PCDHGA10: variants seen among roughly 807,000 people sequenced by gnomAD.
PCDHGA10 encodes protocadherin gamma subfamily A, 10.
PCDHGA10 carries 42 observed loss-of-function variants against 59.5 expected under a neutral mutation model. The ratio of observed to expected loss-of-function variants is 0.71; its 90% CI spans 0.55 to 0.91. PCDHGA10 has a LOEUF of 0.91. Ranked by LOEUF, PCDHGA10 falls within the 40% of genes least tolerant of loss-of-function variation. PCDHGA10 has a pLI of 0.00. For missense variants in PCDHGA10, 1,111 were observed against 1,198.2 expected (o/e 0.93, Z 1.07); for synonymous variants, 511 against 517.2 (o/e 0.99, Z 0.16).
intron 1 of PCDHGA10, 124 bp from the exon 2 acceptor site, chr5:141,494,683 C>G: frequency 6.4e-7 from 1 of 1,569,074 alleles, no homozygotes; most frequent in Non-Finnish European, 8.7e-7. Context: ...CCCCTGCCCC[C>G]TCTTAGTCCG....
chr5:141,423,755 G>GGGA, intron 1 of PCDHGA10: 3 of 512,508 alleles, frequency 5.9e-6, no homozygotes, highest in Non-Finnish European at 7.8e-6. Flanking sequence ...CTGTTTGGGG[G>GGGA]GGGGGTGGGG....
Position 141,493,891 on chromosome 5 carries a change from G to A in PCDHGA10, c.2437-916G>A, listed in dbSNP as rs1595204910. On this transcript the variant is annotated intron_variant, in intron 1 of 3. Transcript: ENST00000398610. The surrounding 1 kb of genome is among the most constrained non-coding windows in gnomAD (Gnocchi z 4.3). ...CCAGTGAGGAGGTGGCTCTAGGAGT[G>A]CTCCATGAGAGTGTGTGATGGGATA... Among the ~76,000 whole-genome samples, 1 of 152,300 alleles carries A rather than the reference G, an allele frequency of 6.6e-6. No homozygotes were observed. The highest frequency in any genetic ancestry group is 1.5e-5 in the Non-Finnish European group (1 of 68,018).
intron 1 of PCDHGA10, chr5:141,422,694 T>C: frequency 6.2e-7 from 1 of 1,603,912 alleles, no homozygotes; most frequent in Non-Finnish European, 8.5e-7. Context: ...CCCTGGTCAC[T>C]TACTCTCTGA....
At position 141,415,039 on chromosome 5, in the gene PCDHGA10, G is replaced by T. The variant is rs761101620; in HGVS notation, c.1864G>T (p.Ala622Ser). The part of the protein sequence containing the change: ...LLKASEPGLF[A>S]VGEHTGEVRT... ...CAAGGCCAGCGAGCCGGGACTCTTC[G>T]CGGTGGGGGAGCACACGGGCGAGGT... The change falls in exon 1 of 4, where the codon GCG becomes TCG. Residue 622 changes from alanine to serine, a missense_variant. By Grantham distance (99) the Ala-to-Ser change is moderately conservative. Transcript: ENST00000398610. The T allele has an allele frequency of 3.1e-6, 5 of 1,613,342 alleles. No homozygotes were observed. The highest frequency in any genetic ancestry group is 3.4e-6 in the Non-Finnish European group (4 of 1,179,934).
intron 3 of PCDHGA10, among the ~76,000 whole-genome samples, chr5:141,509,583 A>G (rs1008344833): frequency 7.2e-5 from 11 of 152,320 alleles, no homozygotes; most frequent in African/African-American, 2.4e-4. Flanking sequence ...CGTACAAATC[A>G]GCTGGCAATT....
At position 141,419,294 on chromosome 5, in the gene PCDHGA10, C is replaced by T. The variant is rs770303087; in HGVS notation, c.2436+3683C>T. ...CATAGCGCAAGTCAGTGCCTCTGAC[C>T]CAGACTTCGGGCTCAACGGCCGTGT... On this transcript the variant is annotated intron_variant, in intron 1 of 3. Transcript: ENST00000398610. The T allele has an allele frequency of 1.9e-6, 3 of 1,614,036 alleles. No homozygotes were observed. Among genetic ancestry groups the T allele is most frequent in the East Asian group, 2.2e-5 (1 of 44,886 alleles).
chr5:141,453,067 C>A (rs1227122711), intron 1 of PCDHGA10, among the ~76,000 whole-genome samples: 1 of 152,024 alleles, frequency 6.6e-6, no homozygotes, highest in African/African-American at 2.4e-5. Context: ...AGAGTTTTGC[C>A]ACACTCTGGT....
At chr5:141,488,359 T>A (rs1262194591) in intron 1 of PCDHGA10, among the ~76,000 whole-genome samples, 1 of 152,198 alleles carries the variant, frequency 6.6e-6, no homozygotes, top group Non-Finnish European at 1.5e-5. Context: ...ACCCTGTGCA[T>A]CTTTAAGTTG....
Position 141,414,587 on chromosome 5 carries a change from G to C in PCDHGA10, c.1412G>C (p.Arg471Thr), listed in dbSNP as rs775783880. 3 of 1,613,828 alleles carry C rather than the reference G, an allele frequency of 1.9e-6. No individual in the cohort carries two copies. The highest frequency in any genetic ancestry group is 3.3e-5 in the Admixed American group (2 of 59,998). The change falls in exon 1 of 4, where the codon AGG becomes ACG. Residue 471 changes from arginine to threonine, a missense_variant. Coordinates refer to ENST00000398610, the MANE Select transcript of PCDHGA10 (RefSeq NM_018913.3). ...YFTYIPENNA[R>T]GASIFSVTAL... The stretch of plus-strand genomic sequence containing the variant: ...ACCTATATCCCAGAGAACAACGCCA[G>C]GGGTGCCTCCATCTTCTCAGTGACA...
intron 1 of PCDHGA10, among the ~76,000 whole-genome samples, chr5:141,435,605 C>T (rs776926758): frequency 1.1e-4 from 17 of 152,134 alleles, no homozygotes; most frequent in Non-Finnish European, 1.9e-4. Flanking sequence ...CTGCTTTTTA[C>T]ATTAAATTCC....
intron 2 of PCDHGA10, among the ~76,000 whole-genome samples, chr5:141,504,008 C>G (rs2099835164): frequency 6.6e-6 from 1 of 152,208 alleles, no homozygotes; most frequent in South Asian, 2.1e-4. Flanking sequence ...ACTTAACTGT[C>G]TCTGCTGGTC....
At chr5:141,427,550 C>T (rs1310933864) in intron 1 of PCDHGA10, 1 of 643,730 alleles carries the variant, frequency 1.6e-6, no homozygotes, top group East Asian at 3.2e-5. Context: ...CCATCACTGC[C>T]ACTGACAAGG....
At chr5:141,470,838 C>T (rs142581300) in intron 1 of PCDHGA10, among the ~76,000 whole-genome samples, 5 of 152,222 alleles carry the variant, frequency 3.3e-5, no homozygotes, top group African/African-American at 7.2e-5. Flanking sequence ...CAAACACACG[C>T]CACCATGCTC....
chr5:141,494,962 T>G (rs1644946600), intron 2 of PCDHGA10, 97 bp downstream of exon 2: 4 of 1,596,756 alleles, frequency 2.5e-6, no homozygotes, highest in Non-Finnish European at 3.4e-6. Context: ...TTGCTACAGA[T>G]GGCTTCTCCC....
At chr5:141,506,699 C>T (rs758682427) in intron 3 of PCDHGA10, among the ~76,000 whole-genome samples, 2 of 152,094 alleles carry the variant, frequency 1.3e-5, no homozygotes, top group Non-Finnish European at 2.9e-5. Flanking sequence ...GACCCAAACC[C>T]GTTTTTTACT....
Position 141,431,972 on chromosome 5 carries a change from G to T in PCDHGA10, c.2436+16361G>T, listed in dbSNP as rs750484866. On this transcript the variant is annotated intron_variant, in intron 1 of 3. Coordinates refer to ENST00000398610, the MANE Select transcript of PCDHGA10 (RefSeq NM_018913.3). The surrounding 1 kb of genome is among the most constrained non-coding windows in gnomAD (Gnocchi z 4.8). ...ATCTTACGGAAATTACTATAGTTTA[G>T]TCACAGACATAGTCTTGGATAGGGA... is the stretch of plus-strand genomic sequence containing the variant. The T allele has an allele frequency of 8.1e-6, 13 of 1,614,072 alleles. No homozygotes were observed. Among genetic ancestry groups the T allele is most frequent in the Non-Finnish European group, 1.1e-5 (13 of 1,180,028 alleles).
At position 141,476,689 on chromosome 5, in the gene PCDHGA10, C is replaced by A; in HGVS notation, c.2437-18118C>A. Reference sequence around the variant, plus strand: ...GCGTGCAGACGCGGGAGGACAGCACCAAGTACGCGGAGCTGGTGTTGGAGC... The same window carrying A: ...GCGTGCAGACGCGGGAGGACAGCACAAAGTACGCGGAGCTGGTGTTGGAGC... On this transcript the variant is annotated intron_variant, in intron 1 of 3. Transcript: ENST00000398610. The surrounding 1 kb of genome is among the most constrained non-coding windows in gnomAD (Gnocchi z 7.6). The A allele has an allele frequency of 1.9e-6, 3 of 1,614,226 alleles. No homozygotes were observed. Among genetic ancestry groups the A allele is most frequent in the Non-Finnish European group, 2.5e-6 (3 of 1,180,046 alleles).
rs752071139 is a variant in PCDHGA10 at position 141,422,722 on chromosome 5, G to A, written c.2436+7111G>A. ...CTCTCTGACGGATGACACTGTCCAG[G>A]GGGTGCCTCTGTCCTCCTATGTCTC... On this transcript the variant is annotated intron_variant, in intron 1 of 3. Coordinates refer to ENST00000398610, the MANE Select transcript of PCDHGA10 (RefSeq NM_018913.3). The A allele has an allele frequency of 2.4e-5, 39 of 1,605,774 alleles. No homozygotes were observed. In the South Asian group the frequency reaches 4.0e-4, roughly 17 times the overall value.
At position 141,491,681 on chromosome 5, in the gene PCDHGA10, C is replaced by T; in HGVS notation, c.2437-3126C>T. 6.2e-6 allele frequency: 10 copies of T among 1,613,458 alleles called. No homozygotes were observed. Among genetic ancestry groups the T allele is most frequent in the Non-Finnish European group, 8.5e-6 (10 of 1,179,804 alleles). On this transcript the variant is annotated intron_variant, in intron 1 of 3. Transcript: ENST00000398610. The surrounding 1 kb of genome is among the most constrained non-coding windows in gnomAD (Gnocchi z 6.9). ...GACGCCATCCGGTCCCGCTCTAATA[C>T]GCTGCGGGAGCGGAGCCAGGTGAGG...
Sources: allele counts gnomAD v4.1 joint callset (sites outside exome capture counted in the v4.1 genomes callset), GRCh38; gene constraint gnomAD v4.1.1; non-coding constraint Gnocchi (gnomAD v3.1); transcripts MANE v1.5; gene names NCBI Gene and HGNC (gene_info 2026-07-23, HGNC 2026-07-21).